TMEM132D: variants seen among roughly 807,000 people sequenced by gnomAD.
The protein encoded by TMEM132D is mature OL transmembrane protein.
TMEM132D carries 21 observed loss-of-function variants against 62.3 expected under a neutral mutation model. The ratio of observed to expected loss-of-function variants is 0.34; its 90% CI spans 0.24 to 0.49. The LOEUF is 0.49. Among genes scored for constraint, TMEM132D ranks in the 20% least tolerant of loss-of-function variants. The pLI is 0.99. For missense variants in TMEM132D, 1,346 were observed against 1,402.8 expected (o/e 0.96, Z 0.65); for synonymous variants, 621 against 575.6 (o/e 1.08, Z -1.13).
chr12:129,828,555 T>C (rs139214084), intron 1 of TMEM132D, among the ~76,000 whole-genome samples: 748 of 150,448 alleles, frequency 5.0e-3, no homozygotes, highest in Non-Finnish European at 7.8e-3. Flanking sequence ...ATTAAATTCA[T>C]GTTATTATTT....
intron 2 of TMEM132D, among the ~76,000 whole-genome samples, chr12:129,581,772 C>A (rs1403302378): frequency 6.6e-6 from 1 of 152,158 alleles, no homozygotes; most frequent in African/African-American, 2.4e-5. Context: ...TTTGGTAATG[C>A]CCTCACAGAC....
Position 129,477,116 on chromosome 12 carries a change from G to T in TMEM132D, c.1115+53943C>A, listed in dbSNP as rs576397285. The stretch of plus-strand genomic sequence containing the variant: ...GTTTCATTTGATTTTATTTTTAACA[G>T]GGATGTTTAGTAGCATTCCTGGTCT... On this transcript the variant is annotated intron_variant, in intron 3 of 8. Coordinates refer to ENST00000422113, the MANE Select transcript of TMEM132D (RefSeq NM_133448.3). Among the ~76,000 whole-genome samples, 18 of 152,212 alleles carry T rather than the reference G, an allele frequency of 1.2e-4. No homozygotes were observed. In the South Asian group the frequency reaches 2.3e-3, roughly 19 times the overall value.
At chr12:129,115,027 A>C (rs1275471382) in intron 5 of TMEM132D, among the ~76,000 whole-genome samples, 1 of 152,194 alleles carries the variant, frequency 6.6e-6, no homozygotes, top group Non-Finnish European at 1.5e-5. Context: ...GTATTTCTGT[A>C]GAGTATATAC....
intron 1 of TMEM132D, among the ~76,000 whole-genome samples, chr12:129,713,427 G>A (rs1868452322): frequency 6.6e-6 from 1 of 150,924 alleles, no homozygotes; most frequent in East Asian, 1.9e-4. Context: ...AATAAAAATT[G>A]CAAGATTACC....
intron 5 of TMEM132D, among the ~76,000 whole-genome samples, chr12:129,197,483 T>C (rs939280702): frequency 4.6e-5 from 7 of 152,122 alleles, no homozygotes; most frequent in African/African-American, 1.7e-4. Context: ...AGCCTAGAAA[T>C]GAATCCATGC....
chr12:129,421,968 T>G (rs1187875139), intron 3 of TMEM132D, among the ~76,000 whole-genome samples: 1 of 152,094 alleles, frequency 6.6e-6, no homozygotes, highest in Non-Finnish European at 1.5e-5. Flanking sequence ...AATGCCATCG[T>G]TCCCCCAGAT....
intron 5 of TMEM132D, among the ~76,000 whole-genome samples, chr12:129,101,278 A>G (rs762814997): frequency 1.3e-5 from 2 of 152,172 alleles, no homozygotes; most frequent in Non-Finnish European, 2.9e-5. Flanking sequence ...TGCCTCGAGC[A>G]TTTGTCGATT....
chr12:129,205,590 AG>A (rs1161637034), intron 5 of TMEM132D, among the ~76,000 whole-genome samples: 1 of 152,178 alleles, frequency 6.6e-6, no homozygotes, highest in Non-Finnish European at 1.5e-5. Flanking sequence ...TCCCATTGAC[AG>A]TATTAGACAA....
intron 5 of TMEM132D, among the ~76,000 whole-genome samples, chr12:129,159,607 A>G (rs550566367): frequency 1.3e-5 from 2 of 152,058 alleles, no homozygotes; most frequent in South Asian, 2.1e-4. Context: ...AAAATACAAA[A>G]TAAATTAGCC....
intron 2 of TMEM132D, among the ~76,000 whole-genome samples, chr12:129,636,547 G>A (rs265608): frequency 0.016 from 2,424 of 152,234 alleles, 71 homozygotes; most frequent in South Asian, 0.13. Flanking sequence ...AATCCCCTCA[G>A]TCAAGAGAAG....
chr12:129,105,314 A>G (rs1011797429), intron 5 of TMEM132D, among the ~76,000 whole-genome samples: 3 of 144,560 alleles, frequency 2.1e-5, no homozygotes, highest in African/African-American at 5.4e-5. Context: ...AACACCGCAT[A>G]TTCTCACTCA....
chr12:129,854,197 G>A lies in TMEM132D; in HGVS notation c.79+49064C>T, dbSNP rs373175955. The stretch of plus-strand genomic sequence containing the variant: ...TTAAGGCTTAAACAGTGGTCCCTGG[G>A]GACACAAAACGTTCAGCTATCACTG... On this transcript the variant is annotated intron_variant, in intron 1 of 8. Coordinates refer to ENST00000422113, the MANE Select transcript of TMEM132D (RefSeq NM_133448.3). 8.6e-4 allele frequency among the ~76,000 whole-genome samples: 131 copies of A among 152,218 alleles called. 2 individuals are homozygous for A. In the South Asian group the frequency reaches 0.026, roughly 30 times the overall value.
chr12:129,668,652 C>T (rs975745587), intron 2 of TMEM132D, among the ~76,000 whole-genome samples: 2 of 152,138 alleles, frequency 1.3e-5, no homozygotes, highest in Non-Finnish European at 2.9e-5. Context: ...CCCCTGTGAA[C>T]AAAATTTGAA....
intron 5 of TMEM132D, among the ~76,000 whole-genome samples, chr12:129,115,735 G>T (rs561527025): frequency 4.6e-4 from 70 of 152,314 alleles, no homozygotes; most frequent in African/African-American, 1.6e-3. Flanking sequence ...GGAAGCCAGG[G>T]CCTGTAAAGC....
At chr12:129,318,568 C>T (rs1005523034) in intron 4 of TMEM132D, among the ~76,000 whole-genome samples, 1 of 152,120 alleles carries the variant, frequency 6.6e-6, no homozygotes, top group Non-Finnish European at 1.5e-5. Flanking sequence ...CAATGGATTC[C>T]ATGAGGATCT....
At chr12:129,271,342 T>C (rs1431285297) in intron 4 of TMEM132D, among the ~76,000 whole-genome samples, 1 of 151,874 alleles carries the variant, frequency 6.6e-6, no homozygotes, top group African/African-American at 2.4e-5. Flanking sequence ...CTTGAAATCT[T>C]AGACCTCTCC....
intron 3 of TMEM132D, among the ~76,000 whole-genome samples, chr12:129,524,764 A>G (rs1415592351): frequency 6.6e-6 from 1 of 151,654 alleles, no homozygotes; most frequent in Non-Finnish European, 1.5e-5. Context: ...AGGGTATAAG[A>G]GTTCTCTGTT....
chr12:129,332,482 G>C (rs1451437766), intron 4 of TMEM132D, among the ~76,000 whole-genome samples: 1 of 152,156 alleles, frequency 6.6e-6, no homozygotes, highest in Non-Finnish European at 1.5e-5. Flanking sequence ...ACAAAGAATG[G>C]AGAGGCCACC....
chr12:129,773,815 A>G (rs1870834702), intron 1 of TMEM132D, among the ~76,000 whole-genome samples: 1 of 152,198 alleles, frequency 6.6e-6, no homozygotes, highest in Non-Finnish European at 1.5e-5. Context: ...ACGGGGCCTC[A>G]CCAAGTGGTA....
Sources: gnomAD v4.1 joint callset for allele counts (sites outside exome capture counted in the v4.1 genomes callset) on GRCh38, gnomAD v4.1.1 for gene constraint, MANE v1.5 for transcripts, NCBI Gene and HGNC (gene_info 2026-07-23, HGNC 2026-07-21) for gene names.